The following LAMC3 variants were observed in gnomAD, a reference collection of about 807,000 sequenced individuals.
LAMC3 encodes the protein laminin subunit gamma 3.
A neutral mutation model predicts 173.8 loss-of-function variants in LAMC3; 128 were observed. The ratio of observed to expected loss-of-function variants is 0.74; its 90% CI spans 0.64 to 0.85. The LOEUF (loss-of-function observed/expected upper bound fraction) is 0.85. Ranked by LOEUF, LAMC3 falls within the 40% of genes least tolerant of loss-of-function variation. LAMC3 has a pLI of 0.00. For missense variants in LAMC3, 2,022 were observed against 2,156.0 expected, an observed-to-expected ratio of 0.94 and a Z score of 1.23; for synonymous variants, 897 against 909.1, an observed-to-expected ratio of 0.99 and a Z score of 0.24.
intron 13 of LAMC3, among the ~76,000 whole-genome samples, chr9:131,065,679 G>A (rs1342165818): frequency 6.6e-6 from 1 of 152,238 alleles, no homozygotes; most frequent in Non-Finnish European, 1.5e-5. Flanking sequence ...AATGCTGTAG[G>A]CAACTGTGAC....
intron 7 of LAMC3, among the ~76,000 whole-genome samples, chr9:131,044,230 G>A (rs1220741824): frequency 6.6e-6 from 1 of 151,200 alleles, no homozygotes; most frequent in Non-Finnish European, 1.5e-5. Context: ...TGCGTGAGCC[G>A]GCCAGGCGCG....
At chr9:131,088,598 A>G (rs942252658) in intron 27 of LAMC3, among the ~76,000 whole-genome samples, 4 of 152,168 alleles carry the variant, frequency 2.6e-5, no homozygotes, top group African/African-American at 9.7e-5. Context: ...AATATTTTCC[A>G]TCTTAACCAT....
chr9:131,046,604 T>C (rs965834522), intron 8 of LAMC3, among the ~76,000 whole-genome samples: 8 of 126,514 alleles, frequency 6.3e-5, no homozygotes, highest in South Asian at 2.7e-4. Context: ...GCTCAGGCAA[T>C]CCCGCCCACC....
At chr9:131,056,772 A>C (rs1000413276) in intron 11 of LAMC3, among the ~76,000 whole-genome samples, 157 bp from the exon 12 acceptor site, 35 of 152,354 alleles carry the variant, frequency 2.3e-4, no homozygotes, top group African/African-American at 7.7e-4. Flanking sequence ...CCTGAGTGAC[A>C]GAATGAGAAT....
intron 1 of LAMC3, among the ~76,000 whole-genome samples, chr9:131,013,384 A>G (rs915401): frequency 0.51 from 77,253 of 151,820 alleles, 20,380 homozygotes; most frequent in East Asian, 0.67. Context: ...TGGAACCACA[A>G]AAAGACCTGA....
chr9:131,072,218 C>T (rs1164096748), intron 18 of LAMC3, among the ~76,000 whole-genome samples: 1 of 152,152 alleles, frequency 6.6e-6, no homozygotes, highest in African/African-American at 2.4e-5. Flanking sequence ...GTAAGTGCTA[C>T]ACTCCTTTAG....
At chr9:131,045,246 C>CAA (rs71501241) in intron 7 of LAMC3, among the ~76,000 whole-genome samples, 18 of 144,528 alleles carry the variant, frequency 1.2e-4, no homozygotes, top group African/African-American at 3.5e-4. Flanking sequence ...ACAACAACAA[C>CAA]AAAAAAACAA....
chr9:131,082,077 G>A lies in LAMC3; in HGVS notation c.3946G>A (p.Ala1316Thr). ...PLTKLHQEAR[A>T]ALTQASSSVQ... Reference sequence around the variant, plus strand: ...TCTCCAGCTGCACCAGGAGGCCAGAGCCGCCCTGACCCAGGCTTCCTCATC... The same window carrying A: ...TCTCCAGCTGCACCAGGAGGCCAGAACCGCCCTGACCCAGGCTTCCTCATC... The change falls in exon 24 of 28, where the codon GCC becomes ACC. Residue 1316 changes from alanine to threonine, a missense_variant. Physicochemically the swap from Ala to Thr is moderately conservative, Grantham distance 58. Coordinates refer to ENST00000361069, the MANE Select transcript of LAMC3 (RefSeq NM_006059.4). 1 of 1,613,880 alleles carries A rather than the reference G, an allele frequency of 6.2e-7. No individual in the cohort carries two copies. The highest frequency in any genetic ancestry group is 8.5e-7 in the Non-Finnish European group (1 of 1,179,920).
intron 1 of LAMC3, among the ~76,000 whole-genome samples, chr9:131,015,608 G>C (rs186861436): frequency 6.6e-6 from 1 of 152,146 alleles, no homozygotes; most frequent in African/African-American, 2.4e-5. Flanking sequence ...AAGGGCCCCC[G>C]TGTGCAAAGG....
rs140325029 is a variant in LAMC3 at position 131,067,080 on chromosome 9, A to G, written c.2468A>G (p.Asn823Ser). 4.6e-4 allele frequency: 739 copies of G among 1,614,034 alleles called. No individual in the cohort carries two copies. Among genetic ancestry groups the G allele is most frequent in the Non-Finnish European group, 6.2e-4 (728 of 1,180,034 alleles). Residue 823 changes from asparagine (N) to serine (S), a missense_variant, in exon 14 of 28, where the codon AAC becomes AGC. Coordinates refer to ENST00000361069, the MANE Select transcript of LAMC3 (RefSeq NM_006059.4). ...AACGTGGACCCCAATGCCGTGGGCA[A>G]CTGTGACCCCCTGTCTGGCCACTGC... ...SGNVDPNAVG[N>S]CDPLSGHCLR...
At chr9:131,041,785 C>A in intron 7 of LAMC3, 50 bp downstream of exon 7, 1 of 1,509,554 alleles carries the variant, frequency 6.6e-7, no homozygotes, top group Non-Finnish European at 9.1e-7. Context: ...CCTGGGGGCT[C>A]ACTGATGAGG....
At chr9:131,071,353 C>G in intron 17 of LAMC3, 131 bp from the exon 18 acceptor site, 3 of 1,032,874 alleles carry the variant, frequency 2.9e-6, no homozygotes, top group Non-Finnish European at 4.3e-6. Flanking sequence ...ATACCCTTAG[C>G]GCTGAGGCCC....
chr9:131,091,922 G>A lies in LAMC3; in HGVS notation c.*135G>A. 3.0e-6 allele frequency: 3 copies of A among 1,011,018 alleles called. No homozygotes were observed. The highest frequency in any genetic ancestry group is 2.7e-5 in the Admixed American group (1 of 36,672). 62.6% of individuals were successfully genotyped at this position (1,011,018 alleles called of 1,614,324 possible). ...CTGTGAACTCGCCCCCGTGTGGATAGTCACTCCCTGCCGATTCTGTCTGTG... is the reference window on the plus strand; with the variant it reads ...CTGTGAACTCGCCCCCGTGTGGATAATCACTCCCTGCCGATTCTGTCTGTG... On this transcript the variant is annotated 3_prime_UTR_variant, in exon 28 of 28. Transcript: ENST00000361069.
chr9:131,081,160 C>T (rs192819644), intron 23 of LAMC3, among the ~76,000 whole-genome samples: 22 of 152,296 alleles, frequency 1.4e-4, no homozygotes, highest in African/African-American at 4.3e-4. Flanking sequence ...TAATATGTGC[C>T]GATGGTGTCA....
chr9:131,046,656 GC>G (rs1834168495), intron 8 of LAMC3, among the ~76,000 whole-genome samples: 1 of 150,602 alleles, frequency 6.6e-6, no homozygotes, highest in African/African-American at 2.5e-5. Context: ...TCCGCGCCCA[GC>G]TGTTTTGCCC....
At chr9:131,065,249 A>G (rs563468082) in intron 13 of LAMC3, among the ~76,000 whole-genome samples, 1 of 152,292 alleles carries the variant, frequency 6.6e-6, no homozygotes, top group South Asian at 2.1e-4. Context: ...GTCTATGTCC[A>G]GAGTAGACCT....
rs1830436277 is a variant in LAMC3 at position 131,091,964 on chromosome 9, C to A, written c.*177C>A. 1.3e-6 allele frequency: 1 copy of A among 759,562 alleles called. No homozygotes were observed. The highest frequency in any genetic ancestry group is 2.1e-6 in the Non-Finnish European group (1 of 467,672). The allele number at this position is 759,562 out of a possible 1,614,324, so 47.1% of individuals were successfully genotyped here. A position where few individuals can be genotyped will look rare whatever the true frequency, so the allele number is the denominator to read the frequency against. The stretch of plus-strand genomic sequence containing the variant: ...CTGTCTGTGGCTTCTTCCCTGCCAG[C>A]AGGACTGAGTGTGCGTACCCAGTTC... On this transcript the variant is annotated 3_prime_UTR_variant, in exon 28 of 28. Transcript: ENST00000361069.
Position 131,049,202 on chromosome 9 carries a change from A to G in LAMC3, c.1630+72A>G, listed in dbSNP as rs1476321918. The G allele has an allele frequency of 4.4e-5, 38 of 871,128 alleles. No individual in the cohort carries two copies. The Admixed American group carries it at 4.4e-4, about 10-fold the overall frequency. The allele number at this position is 871,128 out of a possible 1,614,324, so 54.0% of individuals were successfully genotyped here. On this transcript the variant is annotated intron_variant, in intron 9 of 27. Coordinates refer to ENST00000361069, the MANE Select transcript of LAMC3 (RefSeq NM_006059.4). ...CCTGCTGCTAAACAACTTGCCGCAT[A>G]TTAGAGGCTGAAAACAATGCCAGTT...
At chr9:131,035,086 G>A (rs1479473171) in intron 3 of LAMC3, among the ~76,000 whole-genome samples, 2 of 152,288 alleles carry the variant, frequency 1.3e-5, no homozygotes, top group East Asian at 3.9e-4. Flanking sequence ...GAGTAGCTGG[G>A]ATTATAGGCA....
Sources: allele counts gnomAD v4.1 joint callset (sites outside exome capture counted in the v4.1 genomes callset), GRCh38; gene constraint gnomAD v4.1.1; transcripts MANE v1.5; gene names NCBI Gene and HGNC (gene_info 2026-07-23, HGNC 2026-07-21).